MEF2A: variants seen among roughly 807,000 people sequenced by gnomAD.
MEF2A encodes myocyte enhancer factor 2A.
A neutral mutation model predicts 55.8 loss-of-function variants in MEF2A; 28 were observed. The ratio of observed to expected loss-of-function variants is 0.50; its 90% confidence interval spans 0.37 to 0.69. The LOEUF (loss-of-function observed/expected upper bound fraction) is 0.69. Among genes scored for constraint, MEF2A ranks in the 30% least tolerant of loss-of-function variants. The pLI, the probability that MEF2A is intolerant of heterozygous loss-of-function variation, is 0.00. For synonymous variants in MEF2A, 239 were observed against 227.1 expected (o/e 1.05, Z -0.47); for missense variants, 528 against 626.2 (o/e 0.84, Z 1.67).
At chr15:99,573,838 G>A (rs1963357686) in intron 1 of MEF2A, among the ~76,000 whole-genome samples, 1 of 152,128 alleles carries the variant, frequency 6.6e-6, no homozygotes, top group South Asian at 2.1e-4. Flanking sequence ...ATAGGCTTTT[G>A]GAACATATCC....
At chr15:99,681,593 G>T (rs1300354559) in intron 7 of MEF2A, among the ~76,000 whole-genome samples, 1 of 152,208 alleles carries the variant, frequency 6.6e-6, no homozygotes, top group African/African-American at 2.4e-5. Context: ...TTTGGGGGCT[G>T]CCCACATGGG....
At chr15:99,601,804 GTTT>G (rs1265346430) in intron 2 of MEF2A, among the ~76,000 whole-genome samples, 1 of 133,688 alleles carries the variant, frequency 7.5e-6, no homozygotes, top group Non-Finnish European at 1.6e-5. Flanking sequence ...GTTTTTGTCT[GTTT>G]TGTGTGTGTG....
intron 4 of MEF2A, among the ~76,000 whole-genome samples, chr15:99,648,552 T>G (rs1282186337): frequency 6.6e-6 from 1 of 152,138 alleles, no homozygotes; most frequent in Non-Finnish European, 1.5e-5. Flanking sequence ...ACCAATATAC[T>G]TAAGAGTTTG....
chr15:99,566,428 G>C (rs1488238410), intron 1 of MEF2A: 2 of 148,922 alleles, frequency 1.3e-5, no homozygotes, highest in African/African-American at 4.9e-5. Flanking sequence ...GGGGTGCCCT[G>C]AGGGCGGGCC....
At chr15:99,643,236 A>T (rs1241905389) in intron 3 of MEF2A, among the ~76,000 whole-genome samples, 3 of 152,216 alleles carry the variant, frequency 2.0e-5, no homozygotes, top group Non-Finnish European at 4.4e-5. Flanking sequence ...ACACTCTACT[A>T]ATTAGTTGGC....
chr15:99,601,510 G>GTTTTTT (rs34835966), intron 2 of MEF2A, among the ~76,000 whole-genome samples: 1 of 113,870 alleles, frequency 8.8e-6, no homozygotes, highest in Non-Finnish European at 1.8e-5. Flanking sequence ...CTTGGTCAGA[G>GTTTTTT]TTTTTTTTTT....
intron 4 of MEF2A, among the ~76,000 whole-genome samples, chr15:99,670,346 C>T (rs996698943): frequency 2.0e-5 from 3 of 152,286 alleles, no homozygotes; most frequent in Admixed American, 6.5e-5. Context: ...CAGTGGCTCA[C>T]GCCTGTAATC....
chr15:99,690,670 G>A, intron 8 of MEF2A: 1 of 595,556 alleles, frequency 1.7e-6, no homozygotes, highest in Non-Finnish European at 3.1e-6. Context: ...GTTGGAACTG[G>A]AGGTTATTGT....
intron 4 of MEF2A, among the ~76,000 whole-genome samples, chr15:99,649,572 T>C (rs1414362865): frequency 6.6e-6 from 1 of 152,178 alleles, no homozygotes; most frequent in East Asian, 1.9e-4. Flanking sequence ...TTAATTTAAA[T>C]GTATGAAGAA....
At position 99,673,693 on chromosome 15, in the gene MEF2A, G is replaced by T. The variant is rs184152446; in HGVS notation, c.391-700G>T. Among the ~76,000 whole-genome samples, 3 of 151,996 alleles carry T rather than the reference G, an allele frequency of 2.0e-5. No homozygotes were observed. The East Asian group carries it at 5.8e-4, about 29-fold the overall frequency. On this transcript the variant is annotated intron_variant, in intron 5 of 11. Coordinates refer to ENST00000557942, the MANE Select transcript of MEF2A (RefSeq NM_001319206.4). ...ATGGAATAATTTGGAGGGAGGGAAG[G>T]TTAGCATTTATAATATTTGTAATTT...
Position 99,671,418 on chromosome 15 carries a change from A to G in MEF2A, c.354A>G (p.Leu118=). ...SPLSEDRFSK[L]NEDSDFIFKR... is the part of the protein sequence containing the mutation. ...TCTCGGAGGACAGATTCAGCAAACT[A>G]AATGAAGATAGTGATTTTATTTTCA... Residue 118 remains leucine (L), a synonymous_variant, in exon 5 of 12, where the codon CTA becomes CTG. Transcript: ENST00000557942. 1.9e-6 allele frequency: 3 copies of G among 1,613,970 alleles called. No individual in the cohort carries two copies. The highest frequency in any genetic ancestry group is 2.5e-6 in the Non-Finnish European group (3 of 1,179,834).
chr15:99,655,377 G>A (rs190652964), intron 4 of MEF2A, among the ~76,000 whole-genome samples: 23 of 152,172 alleles, frequency 1.5e-4, no homozygotes, highest in Admixed American at 1.4e-3. Flanking sequence ...ATGGAATAGC[G>A]GCTTTGCATA....
chr15:99,605,815 A>G (rs1038107792), intron 2 of MEF2A, among the ~76,000 whole-genome samples: 2 of 152,272 alleles, frequency 1.3e-5, no homozygotes, highest in East Asian at 1.9e-4. Context: ...TACAAAAAAT[A>G]CAAAATTAGC....
chr15:99,637,291 C>T (rs908620060), intron 3 of MEF2A, among the ~76,000 whole-genome samples: 11 of 152,024 alleles, frequency 7.2e-5, no homozygotes, highest in African/African-American at 2.4e-4. Context: ...TTTACAGTGT[C>T]AAGTCTTGTA....
chr15:99,645,982 CCA>C (rs1382539986), intron 4 of MEF2A, among the ~76,000 whole-genome samples: 1 of 152,032 alleles, frequency 6.6e-6, no homozygotes, highest in East Asian at 1.9e-4. Flanking sequence ...TGTTGTTTTA[CCA>C]TGTATACCAG....
intron 4 of MEF2A, among the ~76,000 whole-genome samples, chr15:99,657,059 A>G (rs1436753064): frequency 6.6e-6 from 1 of 152,060 alleles, no homozygotes; most frequent in Admixed American, 6.6e-5. Context: ...GTCATGCAAT[A>G]TGTTCTTTTG....
chr15:99,625,861 A>G (rs1276807554), intron 2 of MEF2A, among the ~76,000 whole-genome samples: 1 of 152,098 alleles, frequency 6.6e-6, no homozygotes, highest in African/African-American at 2.4e-5. Context: ...ATTCGGTAGA[A>G]TTCAGTTTGC....
intron 2 of MEF2A, among the ~76,000 whole-genome samples, chr15:99,626,044 T>C (rs754685411): frequency 2.6e-5 from 4 of 152,158 alleles, no homozygotes; most frequent in Non-Finnish European, 4.4e-5. Flanking sequence ...AGTTCTTTAA[T>C]TGTTTGGTAG....
In MEF2A at chr15:99,645,602, C is replaced by T; in HGVS notation, c.96C>T (p.Ala32=). Residue 32 remains alanine (A), a synonymous_variant, in exon 4 of 12, where the codon GCC becomes GCT. Coordinates refer to ENST00000557942, the MANE Select transcript of MEF2A (RefSeq NM_001319206.4). ...GAAAGTTTGGATTAATGAAGAAAGCCTATGAACTTAGTGTGCTCTGTGACT... is the reference window on the plus strand; with the variant it reads ...GAAAGTTTGGATTAATGAAGAAAGCTTATGAACTTAGTGTGCTCTGTGACT... ...TKRKFGLMKK[A]YELSVLCDCE... 6.2e-7 allele frequency: 1 copy of T among 1,613,606 alleles called. No homozygotes were observed. The highest frequency in any genetic ancestry group is 8.5e-7 in the Non-Finnish European group (1 of 1,179,686).
Sources: gnomAD v4.1 joint callset for allele counts (sites outside exome capture counted in the v4.1 genomes callset) on GRCh38, gnomAD v4.1.1 for gene constraint, MANE v1.5 for transcripts, NCBI Gene and HGNC (gene_info 2026-07-23, HGNC 2026-07-21) for gene names.